Variants in SUPT6H observed in about 807,000 individuals in gnomAD.
The protein encoded by SUPT6H is transcription elongation factor SPT6.
SUPT6H carries 11 observed loss-of-function variants against 222.3 expected under a neutral mutation model. The ratio of observed to expected loss-of-function variants is 0.05; its 90% CI spans 0.03 to 0.08. SUPT6H has a LOEUF of 0.08. Ranked by LOEUF, SUPT6H falls within the 10% of genes least tolerant of loss-of-function variation. The pLI, the probability that SUPT6H is intolerant of heterozygous loss-of-function variation, is 1.00. For missense variants in SUPT6H, 1,422 were observed against 2,216.0 expected, an observed-to-expected ratio of 0.64 and a Z score of 7.19; for synonymous variants, 762 against 801.2, an observed-to-expected ratio of 0.95 and a Z score of 0.83.
At chr17:28,684,438 G>T in intron 17 of SUPT6H, 148 bp from the exon 18 acceptor site, 1 of 897,566 alleles carries the variant, frequency 1.1e-6, no homozygotes. Context: ...CCTTCAGGTG[G>T]TAAGCCTGCC....
rs34351158 is a variant in SUPT6H at position 28,668,361 on chromosome 17, G to A, written c.-31-5010G>A. ...GTGTCTTTATTCTAGAGTAGTTCCC[G>A]CTTGTCAGTCTCAGACTGCAGTGCT... On this transcript the variant is annotated intron_variant, in intron 1 of 36. Coordinates refer to ENST00000314616, the MANE Select transcript of SUPT6H (RefSeq NM_003170.5). Among the ~76,000 whole-genome samples the A allele has an allele frequency of 1.5e-3, 228 of 152,192 alleles. 2 individuals carry two copies. Among genetic ancestry groups the A allele is most frequent in the Non-Finnish European group, 2.6e-3 (174 of 68,012 alleles).
At chr17:28,685,041 A>G (rs537820671) in intron 19 of SUPT6H, 80 bp downstream of exon 19, 1 of 1,335,164 alleles carries the variant, frequency 7.5e-7, no homozygotes, top group Non-Finnish European at 1.0e-6. Context: ...TTTACGGTCT[A>G]AGCAACATCC....
chr17:28,686,290 A>G, intron 19 of SUPT6H, 49 bp from the exon 20 acceptor site: 1 of 1,549,934 alleles, frequency 6.5e-7, no homozygotes, highest in East Asian at 2.2e-5. Context: ...AATTTCCTGA[A>G]ATCTTTACAT....
rs768507229 is a variant in SUPT6H, at chr17:28,681,239, T to C, written c.1350-17T>C. The C allele has an allele frequency of 5.2e-5, 84 of 1,613,188 alleles. No homozygotes were observed. The highest frequency in any genetic ancestry group is 6.9e-5 in the Non-Finnish European group (81 of 1,179,846). On this transcript the variant is annotated splice_polypyrimidine_tract_variant and intron_variant, in intron 11 of 36. Transcript: ENST00000314616. ...TTCTGCAGTGATGACTGAAACCTTA[T>C]GTCTCTTCTTTTTCAGGCTCAAGGA...
intron 17 of SUPT6H, 41 bp downstream of exon 17, chr17:28,683,857 A>T (rs570214570): frequency 3.4e-5 from 51 of 1,499,796 alleles, no homozygotes; most frequent in Non-Finnish European, 4.5e-5. Flanking sequence ...TTTTTTGGTG[A>T]CAGAGTCTTG....
At chr17:28,667,285 G>A (rs1339981953) in intron 1 of SUPT6H, among the ~76,000 whole-genome samples, 1 of 146,344 alleles carries the variant, frequency 6.8e-6, no homozygotes, top group African/African-American at 2.5e-5. Context: ...GCAGGAGAAT[G>A]GCGTGACCCC....
At chr17:28,684,984 C>CA (rs1479563085) in intron 19 of SUPT6H, 23 bp downstream of exon 19, 2 of 1,596,064 alleles carry the variant, frequency 1.3e-6, no homozygotes, top group Non-Finnish European at 1.7e-6. Flanking sequence ...GACGAGGATA[C>CA]TAAGTGTACA....
intron 1 of SUPT6H, among the ~76,000 whole-genome samples, chr17:28,667,580 CT>C (rs2030158544): frequency 6.7e-6 from 1 of 149,184 alleles, no homozygotes; most frequent in Non-Finnish European, 1.5e-5. Context: ...CATGGAATGT[CT>C]TGTAGCTTAA....
chr17:28,681,628 T>G lies in SUPT6H; in HGVS notation c.1498+224T>G, dbSNP rs954833504. ...CCCAACTGCTCAGGAGGCTGAGGCA[T>G]GCCTGAACCTAGAGGCAGTTGTTGC... On this transcript the variant is annotated intron_variant, in intron 12 of 36. Transcript: ENST00000314616. Among the ~76,000 whole-genome samples the G allele has an allele frequency of 2.6e-5, 4 of 150,972 alleles. No individual in the cohort carries two copies. The East Asian group carries it at 7.8e-4, about 29-fold the overall frequency.
At chr17:28,700,902 C>G (rs2032102848) in intron 35 of SUPT6H, 39 bp from the exon 36 acceptor site, 31 of 1,577,462 alleles carry the variant, frequency 2.0e-5, no homozygotes, top group Non-Finnish European at 2.7e-5. Flanking sequence ...CCAAACAAGC[C>G]CCACACCCAT....
rs139681875 is a variant in SUPT6H, at chr17:28,667,795, A to G, written c.-32+5453A>G. Reference sequence around the variant, plus strand: ...ATTGTGCTTTGTCATAACGTTATTAACAAGTTTTTTGAGATAGATTGTGAA... The same window carrying G: ...ATTGTGCTTTGTCATAACGTTATTAGCAAGTTTTTTGAGATAGATTGTGAA... On this transcript the variant is annotated intron_variant, in intron 1 of 36. Transcript: ENST00000314616. Among the ~76,000 whole-genome samples the G allele has an allele frequency of 1.3e-3, 198 of 152,102 alleles. 1 individual carries two copies. Among genetic ancestry groups the G allele is most frequent in the African/African-American group, 4.3e-3 (180 of 41,512 alleles).
At chr17:28,674,833 G>T in intron 4 of SUPT6H, 137 bp from the exon 5 acceptor site, 2 of 1,139,442 alleles carry the variant, frequency 1.8e-6, no homozygotes, top group Non-Finnish European at 2.5e-6. Flanking sequence ...GAGGCTACAA[G>T]AGCATCACTC....
In SUPT6H at chr17:28,674,873, G is replaced by A. The variant is rs566936663; in HGVS notation, c.346-97G>A. ...TGTTCTTTCCCATCTCTCTTGGTCA[G>A]AGTAATTGTGGTGGGAAGAAGGGAG... On this transcript the variant is annotated intron_variant, in intron 4 of 36. Transcript: ENST00000314616. 401 of 1,404,552 alleles carry A rather than the reference G, an allele frequency of 2.9e-4. 5 individuals are homozygous for A. In the South Asian group the frequency reaches 5.3e-3, roughly 18 times the overall value. 87.0% of individuals were successfully genotyped at this position (1,404,552 alleles called of 1,614,324 possible).
chr17:28,678,491 G>T, intron 9 of SUPT6H, 54 bp from the exon 10 acceptor site: 1 of 1,538,924 alleles, frequency 6.5e-7, no homozygotes, highest in South Asian at 1.1e-5. Flanking sequence ...CTGACAGAGG[G>T]GATCTTAGCA....
intron 14 of SUPT6H, 40 bp from the exon 15 acceptor site, chr17:28,682,902 A>T (rs779093625): frequency 6.2e-7 from 1 of 1,613,578 alleles, no homozygotes; most frequent in Admixed American, 1.7e-5. Context: ...CCTGAGGACC[A>T]CAACACCCTG....
chr17:28,700,676 G>C, intron 35 of SUPT6H, 164 bp downstream of exon 35: 1 of 1,047,574 alleles, frequency 9.5e-7, no homozygotes, highest in Non-Finnish European at 1.4e-6. Context: ...AGGGGAAGAG[G>C]GTAAGAGAGG....
Position 28,697,978 on chromosome 17 carries a change from A to G in SUPT6H, c.4396A>G (p.Lys1466Glu), listed in dbSNP as rs2031994941. ...CATCCCTTATTTCATCTGTGCCTGC[A>G]AGGAACTGCCCGGCAAGTTCCTACT... ...TFIPYFICACKELPGKFLLGY... is the reference protein window; with the variant it reads ...TFIPYFICACEELPGKFLLGY... Residue 1466 changes from lysine (K) to glutamate (E), a missense_variant, in exon 32 of 37, where the codon AAG (lysine) becomes GAG (glutamate). Lys to Glu is a moderately conservative substitution (Grantham distance 56, BLOSUM62 1). Transcript: ENST00000314616. The G allele has an allele frequency of 1.2e-6, 2 of 1,613,776 alleles. No homozygotes were observed. The highest frequency in any genetic ancestry group is 1.7e-6 in the Non-Finnish European group (2 of 1,180,038).
At position 28,665,441 on chromosome 17, in the gene SUPT6H, T is replaced by C. The variant is rs568097595; in HGVS notation, c.-32+3099T>C. Among the ~76,000 whole-genome samples the C allele has an allele frequency of 3.2e-4, 48 of 152,326 alleles. No individual in the cohort carries two copies. In the South Asian group the frequency reaches 9.9e-3, roughly 32 times the overall value. ...GCATGGACCTAGTCTTGTACGTGCC[T>C]GGCATGTGGTAGGCACTCATTAAAT... is the stretch of plus-strand genomic sequence containing the variant. On this transcript the variant is annotated intron_variant, in intron 1 of 36. Transcript: ENST00000314616.
Position 28,696,890 on chromosome 17 carries a change from T to C in SUPT6H, c.4017T>C (p.Asn1339=), listed in dbSNP as rs1567704884. Residue 1339 remains asparagine (N), a synonymous_variant, in exon 30 of 37, where the codon AAT becomes AAC. Transcript: ENST00000314616. ...CACACCCATCCTTCCATAATATCAATTTCAAGCAAGCAGAAAAGATGATGG... is the reference window on the plus strand; with the variant it reads ...CACACCCATCCTTCCATAATATCAACTTCAAGCAAGCAGAAAAGATGATGG... ...VIAHPSFHNI[N]FKQAEKMMET... is the part of the protein sequence containing the mutation. 6.2e-7 allele frequency: 1 copy of C among 1,613,864 alleles called. No homozygotes were observed. Among genetic ancestry groups the C allele is most frequent in the Admixed American group, 1.7e-5 (1 of 59,962 alleles).
Sources: gnomAD v4.1 joint callset for allele counts (sites outside exome capture counted in the v4.1 genomes callset) on GRCh38, gnomAD v4.1.1 for gene constraint, MANE v1.5 for transcripts, NCBI Gene and HGNC (gene_info 2026-07-23, HGNC 2026-07-21) for gene names.